TNS1: variants seen among roughly 807,000 people sequenced by gnomAD.
TNS1 encodes tensin 1.
Under a neutral mutation model 168.6 loss-of-function variants are expected in TNS1, and 62 were observed. The observed-to-expected ratio is 0.37, with a 90% CI of 0.30 to 0.45. The LOEUF (loss-of-function observed/expected upper bound fraction) is 0.45, where lower values mean the gene tolerates loss of function less well. Among genes scored for constraint, TNS1 ranks in the 20% least tolerant of loss-of-function variants. The probability of loss-of-function intolerance (pLI) is 1.00; values close to 1 mark genes in which losing one functional copy is unlikely to be tolerated. For missense variants in TNS1, 2,240 were observed against 2,339.4 expected, an observed-to-expected ratio of 0.96 and a Z score of 0.88; for synonymous variants, 934 against 933.2, an observed-to-expected ratio of 1.00 and a Z score of -0.02.
chr2:217,837,390 G>C (rs779367537), intron 19 of TNS1, among the ~76,000 whole-genome samples: 4 of 152,180 alleles, frequency 2.6e-5, no homozygotes, highest in African/African-American at 4.8e-5. Flanking sequence ...CATAAACAGC[G>C]CCACCTGGGA....
intron 23 of TNS1, among the ~76,000 whole-genome samples, chr2:217,820,710 T>G (rs1175943725): frequency 2.0e-5 from 3 of 152,104 alleles, no homozygotes; most frequent in Non-Finnish European, 4.4e-5. Flanking sequence ...CTGAGCTGAT[T>G]GCAACCCTCC....
chr2:217,994,454 C>T lies in TNS1; in HGVS notation c.34-3398G>A, dbSNP rs113647463. 9.0e-3 allele frequency among the ~76,000 whole-genome samples: 1,365 copies of T among 152,244 alleles called. 21 individuals are homozygous for T. Among genetic ancestry groups the T allele is most frequent in the African/African-American group, 0.027 (1,138 of 41,536 alleles). On this transcript the variant is annotated intron_variant, in intron 1 of 32. Coordinates refer to ENST00000682258, the MANE Select transcript of TNS1 (RefSeq NM_001387777.1). Reference sequence around the variant, plus strand: ...CTCTCCTGGTCCGACTCTGGCAACCCACAAGCCTGTCTCTCCCACCCCACA... The same window carrying T: ...CTCTCCTGGTCCGACTCTGGCAACCTACAAGCCTGTCTCTCCCACCCCACA...
chr2:217,848,169 TGC>T lies in TNS1; in HGVS notation c.2346_2347del (p.Gln783AlafsTer37). On this transcript the variant is annotated frameshift_variant, in exon 19 of 33. Transcript: ENST00000682258. LOFTEE classifies it high-confidence loss of function. ...CTGGCGTGGAGGTGGGCGAGGCTGC[TGC>T]TGCTGCTGCTGCTGCTGCTGCCACG... is the stretch of plus-strand genomic sequence containing the variant. 6.3e-7 allele frequency: 1 copy of T among 1,589,244 alleles called. No individual in the cohort carries two copies.
chr2:217,978,905 A>AGGAAGGAGGGAAGGAG (rs1553623228), intron 2 of TNS1, 103 bp from the exon 3 acceptor site: 1 of 685,766 alleles, frequency 1.5e-6, no homozygotes, highest in Non-Finnish European at 2.7e-6. Flanking sequence ...GCGCTCGGGA[A>AGGAAGGAGGGAAGGAG]GGAAGGAGGG....
chr2:217,900,418 C>T, intron 7 of TNS1, 45 bp downstream of exon 7: 1 of 1,530,264 alleles, frequency 6.5e-7, no homozygotes. Context: ...CACAGTGACC[C>T]CCCTGCTTGC....
chr2:218,013,133 G>C (rs1055506661), upstream of TNS1, among the ~76,000 whole-genome samples: 1 of 151,864 alleles, frequency 6.6e-6, no homozygotes, highest in Non-Finnish European at 1.5e-5. Context: ...GCAGGTACCT[G>C]TAATCCCAGC....
intron 3 of TNS1, among the ~76,000 whole-genome samples, chr2:217,944,360 G>C (rs1365541408): frequency 6.6e-6 from 1 of 152,182 alleles, no homozygotes; most frequent in African/African-American, 2.4e-5. Context: ...GAAGGCTTGG[G>C]GGACAGGGGT....
intron 3 of TNS1, among the ~76,000 whole-genome samples, chr2:217,938,569 A>G (rs1956751642): frequency 6.6e-6 from 1 of 152,254 alleles, no homozygotes; most frequent in African/African-American, 2.4e-5. Context: ...AATTTGAAGC[A>G]GTTATTTGGG....
chr2:217,827,225 T>C (rs926297033), intron 22 of TNS1, among the ~76,000 whole-genome samples: 1 of 152,138 alleles, frequency 6.6e-6, no homozygotes, highest in Non-Finnish European at 1.5e-5. Flanking sequence ...AATAAATGAA[T>C]CAATGCATGA....
At chr2:217,893,335 G>A (rs1308620326) in intron 10 of TNS1, 104 bp downstream of exon 10, 1 of 1,457,302 alleles carries the variant, frequency 6.9e-7, no homozygotes, top group African/African-American at 1.4e-5. Flanking sequence ...CAAAGATATA[G>A]GCAGGTACAC....
chr2:217,887,593 C>A (rs945812042), intron 12 of TNS1, among the ~76,000 whole-genome samples: 3 of 152,200 alleles, frequency 2.0e-5, no homozygotes, highest in Admixed American at 1.3e-4. Context: ...CAGGTGTGAG[C>A]CACCGCACCC....
chr2:217,933,586 A>G (rs573062251), intron 3 of TNS1, among the ~76,000 whole-genome samples: 5 of 152,274 alleles, frequency 3.3e-5, no homozygotes, highest in Admixed American at 3.3e-4. Flanking sequence ...AGGAGCCCAT[A>G]TGTACAGACT....
upstream of TNS1, among the ~76,000 whole-genome samples, chr2:218,013,747 C>T (rs1958730863): frequency 6.6e-6 from 1 of 152,114 alleles, no homozygotes; most frequent in Non-Finnish European, 1.5e-5. Context: ...GCAAGGGGGG[C>T]TATACTGGGG....
intron 4 of TNS1, among the ~76,000 whole-genome samples, chr2:217,909,315 C>T (rs1033789174): frequency 1.3e-5 from 2 of 152,114 alleles, no homozygotes; most frequent in African/African-American, 4.8e-5. Flanking sequence ...ACCCAAATCC[C>T]CCAACTCCAA....
At chr2:217,949,285 C>T (rs1280844732) in intron 3 of TNS1, among the ~76,000 whole-genome samples, 1 of 152,252 alleles carries the variant, frequency 6.6e-6, no homozygotes, top group Non-Finnish European at 1.5e-5. Context: ...GTACTGCACA[C>T]AAACCCCTGT....
chr2:217,836,103 C>A lies in TNS1; in HGVS notation c.3116G>T (p.Arg1039Leu), dbSNP rs186255060. ...GACAGGGGAGCGAACCCCAGGGCTA[C>A]GAGGGGATGTGGCTTCTGGAGACTG... is the stretch of plus-strand genomic sequence containing the variant. ...ENQSPEATSP[R>L]SPGVRSPVQC... The change falls in exon 20 of 33, where the codon CGT (arginine) becomes CTT (leucine). Residue 1039 changes from arginine to leucine, a missense_variant. By Grantham distance (102) the Arg-to-Leu change is moderately radical. This residue lies in a region of TNS1 where 2,131 missense variants were observed against 2,171.2 expected (regional missense o/e 0.98). Coordinates refer to ENST00000682258, the MANE Select transcript of TNS1 (RefSeq NM_001387777.1). The A allele has an allele frequency of 6.8e-6, 11 of 1,614,062 alleles. No homozygotes were observed. In the East Asian group the frequency reaches 2.5e-4, roughly 36 times the overall value.
chr2:217,804,695 C>CCAA, intron 32 of TNS1, 92 bp from the exon 33 acceptor site: 1 of 1,518,250 alleles, frequency 6.6e-7, no homozygotes, highest in Non-Finnish European at 8.9e-7. Flanking sequence ...TGGTCTCAGG[C>CCAA]CAACCTCTCT....
At chr2:217,899,893 G>C (rs2125750848) in intron 7 of TNS1, among the ~76,000 whole-genome samples, 1 of 152,304 alleles carries the variant, frequency 6.6e-6, no homozygotes, top group South Asian at 2.1e-4. Context: ...AATCATCTCA[G>C]GAGCCTCAGT....
At chr2:218,014,457 T>C (rs1456417128), upstream of TNS1, among the ~76,000 whole-genome samples, 2 of 152,236 alleles carry the variant, frequency 1.3e-5, no homozygotes, top group East Asian at 1.9e-4. Flanking sequence ...GCTGCACGCA[T>C]GGGTGAACTG....
Sources: gnomAD v4.1 joint callset for allele counts (sites outside exome capture counted in the v4.1 genomes callset) on GRCh38, gnomAD v4.1.1 for gene constraint, gnomAD v4.1.1 regional missense constraint, MANE v1.5 for transcripts, NCBI Gene and HGNC (gene_info 2026-07-23, HGNC 2026-07-21) for gene names.